Variants in RNF38 observed in about 807,000 individuals in gnomAD.
RNF38 encodes ring finger protein 38.
A neutral mutation model predicts 67.2 loss-of-function variants in RNF38; 15 were observed. The ratio of observed to expected loss-of-function variants is 0.22; its 90% confidence interval spans 0.15 to 0.34. RNF38 has a LOEUF of 0.34. RNF38 is among the 10% of genes least tolerant of loss of function. The pLI is 1.00. For synonymous variants in RNF38, 220 were observed against 218.8 expected (o/e 1.01, Z -0.05); for missense variants, 524 against 639.9 (o/e 0.82, Z 1.95).
At chr9:36,452,815 G>A (rs775544244) in intron 1 of RNF38, among the ~76,000 whole-genome samples, 15 of 152,166 alleles carry the variant, frequency 9.9e-5, no homozygotes, top group Admixed American at 6.5e-5. Flanking sequence ...TTACAGGCAT[G>A]AGCCACTGCA....
chr9:36,346,918 G>T (rs1047820194), intron 9 of RNF38, among the ~76,000 whole-genome samples: 1 of 152,014 alleles, frequency 6.6e-6, no homozygotes, highest in Non-Finnish European at 1.5e-5. Context: ...AGGCATTTGA[G>T]ACCCACCTGG....
chr9:36,364,081 C>T (rs1834761942), intron 4 of RNF38, among the ~76,000 whole-genome samples: 2 of 135,894 alleles, frequency 1.5e-5, no homozygotes, highest in African/African-American at 2.6e-5. Context: ...CTGCCCACTT[C>T]AGCCTCCCAA....
At chr9:36,450,191 T>A (rs1356533980) in intron 1 of RNF38, among the ~76,000 whole-genome samples, 1 of 151,742 alleles carries the variant, frequency 6.6e-6, no homozygotes, top group Non-Finnish European at 1.5e-5. Context: ...ATCACTCTAT[T>A]TCCAAAACTT....
intron 2 of RNF38, among the ~76,000 whole-genome samples, chr9:36,418,619 C>T (rs1587102876): frequency 6.6e-6 from 1 of 152,172 alleles, no homozygotes; most frequent in East Asian, 1.9e-4. Context: ...AACCCTATCT[C>T]TACTAAAAAT....
intron 1 of RNF38, among the ~76,000 whole-genome samples, chr9:36,426,659 A>C (rs888727760): frequency 6.6e-6 from 1 of 152,150 alleles, no homozygotes; most frequent in Non-Finnish European, 1.5e-5. Context: ...CTCTCTATTC[A>C]ACCTTTTGAG....
rs564430482 is a variant in RNF38, at chr9:36,368,664, A to C, written c.570+1055T>G. ...TACATGATCAATTTTTAAGTGTTTCATGAACATAATAAAAATGTCTGGCAT... is the reference window on the plus strand; with the variant it reads ...TACATGATCAATTTTTAAGTGTTTCCTGAACATAATAAAAATGTCTGGCAT... On this transcript the variant is annotated intron_variant, in intron 4 of 11. Transcript: ENST00000259605. Among the ~76,000 whole-genome samples, 4 of 152,342 alleles carry C rather than the reference A, an allele frequency of 2.6e-5. 1 individual carries two copies. Among genetic ancestry groups the C allele is most frequent in the African/African-American group, 7.2e-5 (3 of 41,566 alleles).
At chr9:36,352,658 C>T in intron 8 of RNF38, 84 bp downstream of exon 8, 1 of 1,026,142 alleles carries the variant, frequency 9.7e-7, no homozygotes, top group Admixed American at 1.9e-5. Flanking sequence ...ACACCAAAAG[C>T]TATAGACACA....
chr9:36,407,386 G>A (rs1250436112), intron 2 of RNF38, among the ~76,000 whole-genome samples: 1 of 152,166 alleles, frequency 6.6e-6, no homozygotes, highest in East Asian at 1.9e-4. Context: ...ATGACAGAGG[G>A]CAAGCTCATG....
intron 1 of RNF38, among the ~76,000 whole-genome samples, chr9:36,426,561 GA>G (rs1332569060): frequency 1.3e-5 from 2 of 152,110 alleles, no homozygotes; most frequent in Admixed American, 6.5e-5. Flanking sequence ...TTTCACTCTG[GA>G]AATATTAAGA....
intron 3 of RNF38, chr9:36,372,543 T>C (rs1185798606): frequency 5.6e-6 from 4 of 716,436 alleles, no homozygotes; most frequent in Non-Finnish European, 1.0e-5. Flanking sequence ...CTGCATCTGC[T>C]TGGCACAGCC....
chr9:36,366,694 A>G (rs1834994526), intron 4 of RNF38, among the ~76,000 whole-genome samples: 2 of 152,226 alleles, frequency 1.3e-5, no homozygotes, highest in Admixed American at 1.3e-4. Flanking sequence ...AATAGTCAGC[A>G]TCCTGGTTTA....
intron 1 of RNF38, among the ~76,000 whole-genome samples, chr9:36,478,172 C>T (rs1160559770): frequency 2.0e-5 from 3 of 151,916 alleles, no homozygotes; most frequent in African/African-American, 7.2e-5. Flanking sequence ...TGGTAGCTCA[C>T]GCCTGTAATC....
intron 1 of RNF38, among the ~76,000 whole-genome samples, chr9:36,476,876 A>G (rs1840132697): frequency 6.6e-6 from 1 of 152,124 alleles, no homozygotes; most frequent in Non-Finnish European, 1.5e-5. Flanking sequence ...CTTGACTCCA[A>G]GTAATTAGAG....
At chr9:36,423,503 A>G (rs1564056953) in intron 2 of RNF38, among the ~76,000 whole-genome samples, 2 of 152,224 alleles carry the variant, frequency 1.3e-5, no homozygotes, top group Non-Finnish European at 1.5e-5. Context: ...ATTCCTGCAT[A>G]TAACACGCAG....
At chr9:36,476,684 C>T (rs1262505597) in intron 1 of RNF38, among the ~76,000 whole-genome samples, 1 of 151,720 alleles carries the variant, frequency 6.6e-6, no homozygotes, top group East Asian at 2.0e-4. Context: ...CCACCATGCC[C>T]GGCTAACTTT....
At chr9:36,401,711 T>C (rs550154384), upstream of RNF38, among the ~76,000 whole-genome samples, 1 of 152,194 alleles carries the variant, frequency 6.6e-6, no homozygotes, top group South Asian at 2.1e-4. Context: ...AATAGTAAAG[T>C]GGTATCAGAC....
chr9:36,465,075 G>A (rs1839828386), intron 1 of RNF38, among the ~76,000 whole-genome samples: 1 of 152,162 alleles, frequency 6.6e-6, no homozygotes, highest in African/African-American at 2.4e-5. Flanking sequence ...CCACCCACTA[G>A]GAGGGCTATA....
chr9:36,397,079 G>A (rs1256528682), intron 1 of RNF38, among the ~76,000 whole-genome samples: 2 of 124,886 alleles, frequency 1.6e-5, no homozygotes, highest in African/African-American at 6.2e-5. Flanking sequence ...ATATGTGTGT[G>A]TGTATATATA....
chr9:36,441,790 G>T (rs1010899432), intron 1 of RNF38, among the ~76,000 whole-genome samples: 3 of 152,064 alleles, frequency 2.0e-5, no homozygotes, highest in African/African-American at 7.2e-5. Flanking sequence ...ATTGCTCTAT[G>T]ACACCTCAAG....
Sources: gnomAD v4.1 joint callset for allele counts (sites outside exome capture counted in the v4.1 genomes callset) on GRCh38, gnomAD v4.1.1 for gene constraint, MANE v1.5 for transcripts, NCBI Gene and HGNC (gene_info 2026-07-23, HGNC 2026-07-21) for gene names.